The following SLC9A9 variants were observed in gnomAD, a reference collection of about 807,000 sequenced individuals.
The protein encoded by SLC9A9 is solute carrier family 9 member A9, also known as sodium/hydrogen exchanger 9.
Under a neutral mutation model 77.8 loss-of-function variants are expected in SLC9A9, and 62 were observed. The ratio of observed to expected loss-of-function variants is 0.80; its 90% CI spans 0.65 to 0.98. The LOEUF (loss-of-function observed/expected upper bound fraction) is 0.98, where lower values mean the gene tolerates loss of function less well. Among genes scored for constraint, SLC9A9 ranks in the 50% least tolerant of loss-of-function variants. The pLI, the probability that SLC9A9 is intolerant of heterozygous loss-of-function variation, is 0.00. For missense variants in SLC9A9, 775 were observed against 774.9 expected, an observed-to-expected ratio of 1.00 and a Z score of 0.00; for synonymous variants, 320 against 283.5, an observed-to-expected ratio of 1.13 and a Z score of -1.29.
intron 4 of SLC9A9, among the ~76,000 whole-genome samples, chr3:143,732,384 G>A (rs1294834687): frequency 1.3e-5 from 2 of 152,172 alleles, no homozygotes; most frequent in African/African-American, 4.8e-5. Flanking sequence ...AGTCTACCAA[G>A]AAAAGTGGAG....
In SLC9A9 at chr3:143,468,269, C is replaced by T. The variant is rs2035319306; in HGVS notation, c.1316-1079G>A. 3.3e-5 allele frequency among the ~76,000 whole-genome samples: 5 copies of T among 152,218 alleles called. No homozygotes were observed. The South Asian group carries it at 1.0e-3, about 31-fold the overall frequency. ...CAATTGTTTTCCAGAGTGGCTGTAA[C>T]ATTTTACATTCCTACCAGCAATATA... On this transcript the variant is annotated intron_variant, in intron 11 of 15. Coordinates refer to ENST00000316549, the MANE Select transcript of SLC9A9 (RefSeq NM_173653.4).
At chr3:143,735,068 C>T (rs1048426410) in intron 4 of SLC9A9, among the ~76,000 whole-genome samples, 2 of 152,204 alleles carry the variant, frequency 1.3e-5, no homozygotes, top group Non-Finnish European at 2.9e-5. Context: ...GCCGACTCCT[C>T]TGGGACACAG....
chr3:143,531,152 C>A (rs537957950), intron 9 of SLC9A9, among the ~76,000 whole-genome samples: 12 of 152,290 alleles, frequency 7.9e-5, no homozygotes, highest in Middle Eastern at 3.4e-3. Context: ...GATTCTGGTG[C>A]CATGAAATAG....
At chr3:143,402,955 T>C (rs1390197513) in intron 12 of SLC9A9, among the ~76,000 whole-genome samples, 1 of 139,138 alleles carries the variant, frequency 7.2e-6, no homozygotes, top group Non-Finnish European at 1.6e-5. Flanking sequence ...GGTGTTACAA[T>C]ATACATCTCA....
At chr3:143,454,874 C>G (rs1363652103) in intron 12 of SLC9A9, among the ~76,000 whole-genome samples, 1 of 152,232 alleles carries the variant, frequency 6.6e-6, no homozygotes, top group East Asian at 1.9e-4. Context: ...GTAGCCACTT[C>G]CAACTTTAAG....
chr3:143,810,494 T>C (rs1481927802), intron 2 of SLC9A9, among the ~76,000 whole-genome samples: 1 of 152,224 alleles, frequency 6.6e-6, no homozygotes. Context: ...AGCTGGCAAA[T>C]GCAATTATCC....
intron 2 of SLC9A9, among the ~76,000 whole-genome samples, chr3:143,819,488 G>A (rs1215005029): frequency 2.6e-5 from 4 of 152,168 alleles, no homozygotes; most frequent in Non-Finnish European, 5.9e-5. Flanking sequence ...TAGTTCTGTT[G>A]TAAATCAAAC....
intron 4 of SLC9A9, among the ~76,000 whole-genome samples, chr3:143,750,442 A>G (rs1296395537): frequency 1.3e-5 from 2 of 152,196 alleles, no homozygotes; most frequent in Admixed American, 6.5e-5. Context: ...ATCTTTCACA[A>G]TAGAGCTAAA....
intron 4 of SLC9A9, among the ~76,000 whole-genome samples, chr3:143,747,388 G>A (rs1935219426): frequency 1.5e-5 from 2 of 129,284 alleles, no homozygotes; most frequent in African/African-American, 3.0e-5. Context: ...TGGGCAACAA[G>A]AGTGAAACTC....
chr3:143,764,383 C>T (rs894696522), intron 4 of SLC9A9, among the ~76,000 whole-genome samples: 6 of 152,158 alleles, frequency 3.9e-5, no homozygotes, highest in Non-Finnish European at 5.9e-5. Context: ...TAATTCTTTC[C>T]GTCCTTGGAA....
chr3:143,281,010 T>G (rs1018149941), intron 14 of SLC9A9, among the ~76,000 whole-genome samples: 3 of 152,248 alleles, frequency 2.0e-5, no homozygotes, highest in African/African-American at 7.2e-5. Flanking sequence ...AGCTAGTATC[T>G]GCCAATATCC....
intron 6 of SLC9A9, among the ~76,000 whole-genome samples, chr3:143,640,331 T>A (rs962361873): frequency 1.2e-4 from 18 of 152,164 alleles, no homozygotes; most frequent in African/African-American, 4.3e-4. Context: ...TTGTAATTTC[T>A]TAGTTTATTA....
In SLC9A9 at chr3:143,313,963, G is replaced by T. The variant is rs1161329115; in HGVS notation, c.1605-44983C>A. Among the ~76,000 whole-genome samples, 3 of 152,218 alleles carry T rather than the reference G, an allele frequency of 2.0e-5. No homozygotes were observed. In the East Asian group the frequency reaches 5.8e-4, roughly 29 times the overall value. ...ATGGCTGCCCATGCCCCCCATAGCT[G>T]CCTCTCTGTGGGACTGCGGATGTGA... is the stretch of plus-strand genomic sequence containing the variant. On this transcript the variant is annotated intron_variant, in intron 14 of 15. Transcript: ENST00000316549.
At chr3:143,783,277 C>A (rs2007941385) in intron 4 of SLC9A9, among the ~76,000 whole-genome samples, 2 of 152,070 alleles carry the variant, frequency 1.3e-5, no homozygotes, top group African/African-American at 4.8e-5. Context: ...CTACTCCCTC[C>A]TACCCATACT....
rs145989101 is a variant in SLC9A9 at position 143,737,578 on chromosome 3, A to C, written c.534-44271T>G. Reference sequence around the variant, plus strand: ...TTCATCTTGAGTCTCAAATATGTCCAGAATAAAGCTCTATGTACTTGGTTT... The same window carrying C: ...TTCATCTTGAGTCTCAAATATGTCCCGAATAAAGCTCTATGTACTTGGTTT... On this transcript the variant is annotated intron_variant, in intron 4 of 15. Coordinates refer to ENST00000316549, the MANE Select transcript of SLC9A9 (RefSeq NM_173653.4). 2.0e-5 allele frequency among the ~76,000 whole-genome samples: 3 copies of C among 152,240 alleles called. No homozygotes were observed. In the East Asian group the frequency reaches 5.8e-4, roughly 29 times the overall value.
chr3:143,629,063 A>G (rs888301139), intron 6 of SLC9A9, among the ~76,000 whole-genome samples: 2 of 152,242 alleles, frequency 1.3e-5, no homozygotes, highest in African/African-American at 4.8e-5. Context: ...CCTCTGTAAC[A>G]TCTGCATGTA....
At chr3:143,756,437 T>C (rs530346649) in intron 4 of SLC9A9, among the ~76,000 whole-genome samples, 7 of 152,314 alleles carry the variant, frequency 4.6e-5, no homozygotes, top group African/African-American at 1.7e-4. Context: ...CTAAAAAGCA[T>C]CTATGCCCCA....
At chr3:143,366,115 T>C (rs1288823393) in intron 13 of SLC9A9, among the ~76,000 whole-genome samples, 1 of 152,202 alleles carries the variant, frequency 6.6e-6, no homozygotes, top group African/African-American at 2.4e-5. Flanking sequence ...AGTGTTGTGG[T>C]GAGCTATACT....
At chr3:143,713,935 A>G (rs16854171) in intron 4 of SLC9A9, among the ~76,000 whole-genome samples, 5,225 of 152,306 alleles carry the variant, frequency 0.034, 291 homozygotes, top group African/African-American at 0.12. Flanking sequence ...AAAATTTTAA[A>G]AAGGTTGACA....
Sources: allele counts gnomAD v4.1 joint callset (sites outside exome capture counted in the v4.1 genomes callset), GRCh38; gene constraint gnomAD v4.1.1; transcripts MANE v1.5; gene names NCBI Gene and HGNC (gene_info 2026-07-23, HGNC 2026-07-21).